Variants in ZEB1 observed in about 807,000 individuals in gnomAD.
The protein encoded by ZEB1 is zinc finger E-box-binding homeobox 1.
ZEB1 carries 21 observed loss-of-function variants against 84.9 expected under a neutral mutation model. The observed-to-expected ratio is 0.25, with a 90% CI of 0.18 to 0.36. The LOEUF is 0.36. Among genes scored for constraint, ZEB1 ranks in the 10% least tolerant of loss-of-function variants. The pLI, the probability that ZEB1 is intolerant of heterozygous loss-of-function variation, is 1.00. For missense variants in ZEB1, 1,104 were observed against 1,330.2 expected (o/e 0.83, Z 2.65); for synonymous variants, 420 against 471.1 (o/e 0.89, Z 1.41).
chr10:31,323,616 T>C (rs1005801059), intron 1 of ZEB1, among the ~76,000 whole-genome samples: 2 of 152,136 alleles, frequency 1.3e-5, no homozygotes, highest in Non-Finnish European at 2.9e-5. Context: ...TGAGATCTTA[T>C]ATGCAGTAAA....
intron 1 of ZEB1, among the ~76,000 whole-genome samples, chr10:31,345,890 C>T (rs2133729386): frequency 6.6e-6 from 1 of 152,144 alleles, no homozygotes; most frequent in Non-Finnish European, 1.5e-5. Flanking sequence ...TGCCTTACCA[C>T]CTTTGAAAAA....
intron 1 of ZEB1, among the ~76,000 whole-genome samples, chr10:31,356,389 ACAC>A (rs2042128681): frequency 6.6e-6 from 1 of 151,954 alleles, no homozygotes; most frequent in Non-Finnish European, 1.5e-5. Flanking sequence ...CATCTTGTTT[ACAC>A]CACTTATTAA....
chr10:31,344,335 TTTTA>T (rs1428637845), intron 1 of ZEB1, among the ~76,000 whole-genome samples: 25 of 152,124 alleles, frequency 1.6e-4, no homozygotes, highest in Non-Finnish European at 2.9e-4. Flanking sequence ...TTTGTGTATT[TTTTA>T]CATTAATTTG....
chr10:31,387,063 A>G (rs1174144528), intron 1 of ZEB1: 3 of 981,552 alleles, frequency 3.1e-6, no homozygotes, highest in Non-Finnish European at 3.6e-6. Context: ...AATATAGAAG[A>G]TAAGCTTGAT....
intron 1 of ZEB1, among the ~76,000 whole-genome samples, chr10:31,457,450 A>C (rs2137295150): frequency 6.6e-6 from 1 of 152,318 alleles, no homozygotes; most frequent in Non-Finnish European, 1.5e-5. Context: ...AGCAAAAGAC[A>C]GTAAAAATCT....
intron 8 of ZEB1, among the ~76,000 whole-genome samples, chr10:31,526,050 A>T (rs2139947531): frequency 6.6e-6 from 1 of 152,238 alleles, no homozygotes; most frequent in East Asian, 1.9e-4. Context: ...GGGCAGCAAC[A>T]CTCCTGTAGC....
intron 1 of ZEB1, among the ~76,000 whole-genome samples, chr10:31,428,078 CT>C (rs1160866774): frequency 6.6e-6 from 1 of 151,964 alleles, no homozygotes; most frequent in Non-Finnish European, 1.5e-5. Context: ...CAGTTCAGCT[CT>C]GATTTTGGTT....
intron 1 of ZEB1, among the ~76,000 whole-genome samples, chr10:31,424,527 C>T (rs948625495): frequency 9.2e-5 from 14 of 151,980 alleles, no homozygotes; most frequent in South Asian, 4.1e-4. Flanking sequence ...TTCTGTTGTA[C>T]GTTAGGATTT....
intron 1 of ZEB1, among the ~76,000 whole-genome samples, chr10:31,339,330 T>G (rs1019037340): frequency 2.6e-5 from 4 of 152,212 alleles, no homozygotes; most frequent in Non-Finnish European, 4.4e-5. Context: ...CAGAAATGGT[T>G]TATATGGCCT....
chr10:31,343,993 CATTT>C (rs1269201372), intron 1 of ZEB1, among the ~76,000 whole-genome samples: 2 of 151,976 alleles, frequency 1.3e-5, no homozygotes, highest in Non-Finnish European at 2.9e-5. Context: ...GAAGGGGTGA[CATTT>C]CTTTCTGAGG....
intron 3 of ZEB1, among the ~76,000 whole-genome samples, chr10:31,500,368 G>A (rs757367152): frequency 1.3e-5 from 2 of 152,026 alleles, no homozygotes; most frequent in South Asian, 2.1e-4. Flanking sequence ...CTCCTGAAAA[G>A]CAATGAATTT....
intron 1 of ZEB1, among the ~76,000 whole-genome samples, chr10:31,379,724 AAC>A (rs1013862182): frequency 6.6e-6 from 1 of 151,974 alleles, no homozygotes; most frequent in African/African-American, 2.4e-5. Context: ...AAAAAAAAAA[AAC>A]CTTAGTGTAA....
At chr10:31,458,728 G>A (rs1255838830) in intron 1 of ZEB1, among the ~76,000 whole-genome samples, 1 of 151,896 alleles carries the variant, frequency 6.6e-6, no homozygotes, top group African/African-American at 2.4e-5. Flanking sequence ...TATATATAAG[G>A]AATGGCCAAA....
At chr10:31,371,316 G>A (rs183664769) in intron 1 of ZEB1, among the ~76,000 whole-genome samples, 1 of 152,218 alleles carries the variant, frequency 6.6e-6, no homozygotes, top group African/African-American at 2.4e-5. Context: ...AATACAGAAA[G>A]CCTTATTTTT....
At chr10:31,510,267 A>G (rs567484963) in intron 4 of ZEB1, among the ~76,000 whole-genome samples, 32 of 152,354 alleles carry the variant, frequency 2.1e-4, no homozygotes, top group Middle Eastern at 3.4e-3. Flanking sequence ...ATTGTTACCA[A>G]TAGACTCTGT....
intron 1 of ZEB1, 90 bp from the exon 2 acceptor site, chr10:31,460,945 CTG>C: frequency 1.0e-6 from 1 of 991,572 alleles, no homozygotes. Context: ...GAATTACAAT[CTG>C]TTTTAAGCAT....
At chr10:31,439,893 A>G (rs1437588328) in intron 1 of ZEB1, among the ~76,000 whole-genome samples, 1 of 152,158 alleles carries the variant, frequency 6.6e-6, no homozygotes. Flanking sequence ...TAGGATGGGA[A>G]GTCATTAGAT....
rs1564718179 is a variant in ZEB1 at position 31,398,797 on chromosome 10, T to TC, written c.59-62239dup. Among the ~76,000 whole-genome samples, 9 of 152,232 alleles carry TC rather than the reference T, an allele frequency of 5.9e-5. No individual in the cohort carries two copies. In the South Asian group the frequency reaches 1.9e-3, roughly 32 times the overall value. Reference sequence around the variant, plus strand: ...TATACTACACTGTCCTGTTTTTTTTTCTCCTACCCCTCTGGCTGCTGCTTT... The same window carrying TC: ...TATACTACACTGTCCTGTTTTTTTTTCCTCCTACCCCTCTGGCTGCTGCTTT... On this transcript the variant is annotated intron_variant, in intron 1 of 8. Transcript: ENST00000424869.
chr10:31,514,374 A>G (rs1438284513), intron 5 of ZEB1, among the ~76,000 whole-genome samples: 1 of 152,126 alleles, frequency 6.6e-6, no homozygotes, highest in Non-Finnish European at 1.5e-5. Flanking sequence ...TTCTGTCCCC[A>G]CTATCACTAT....
Sources: allele counts gnomAD v4.1 joint callset (sites outside exome capture counted in the v4.1 genomes callset), GRCh38; gene constraint gnomAD v4.1.1; transcripts MANE v1.5; gene names NCBI Gene and HGNC (gene_info 2026-07-23, HGNC 2026-07-21).